Variants in SPATS2L observed in about 807,000 individuals in gnomAD.
SPATS2L encodes spermatogenesis associated serine rich 2 like, also known as SPATS2-like protein.
In SPATS2L, 30 loss-of-function variants were observed where a neutral mutation model predicts 59.6. The observed-to-expected ratio is 0.50, with a 90% CI of 0.38 to 0.68. The LOEUF is 0.68. Ranked by LOEUF, SPATS2L falls within the 30% of genes least tolerant of loss-of-function variation. The probability of loss-of-function intolerance (pLI) is 0.00; values close to 1 mark genes in which losing one functional copy is unlikely to be tolerated. For synonymous variants in SPATS2L, 252 were observed against 263.5 expected (o/e 0.96, Z 0.42); for missense variants, 615 against 700.0 (o/e 0.88, Z 1.37).
upstream of SPATS2L, chr2:200,306,354 G>GGGAGTTTCGGTGAAGT: frequency 3.0e-6 from 3 of 1,002,388 alleles, no homozygotes; most frequent in Non-Finnish European, 3.6e-6. Context: ...CATTAACAAG[G>GGGAGTTTCGGTGAAGT]GGAGTTTCGG....
intron 12 of SPATS2L, among the ~76,000 whole-genome samples, chr2:200,474,928 C>G (rs1239412743): frequency 6.6e-6 from 1 of 152,110 alleles, no homozygotes; most frequent in African/African-American, 2.4e-5. Flanking sequence ...GACAGGGCCA[C>G]TGGAATCTAC....
At chr2:200,384,129 A>T (rs1452702024) in intron 2 of SPATS2L, 1 of 388,778 alleles carries the variant, frequency 2.6e-6, no homozygotes, top group Non-Finnish European at 3.7e-6. Context: ...GTTGAATTAT[A>T]TCAATTGGAA....
intron 12 of SPATS2L, among the ~76,000 whole-genome samples, chr2:200,474,311 C>T (rs2087324923): frequency 6.6e-6 from 1 of 151,868 alleles, no homozygotes; most frequent in Non-Finnish European, 1.5e-5. Context: ...TCTGTTTTTA[C>T]TTGTAGTCTA....
intron 2 of SPATS2L, among the ~76,000 whole-genome samples, chr2:200,371,071 G>A (rs762963385): frequency 1.5e-4 from 23 of 152,002 alleles, no homozygotes; most frequent in Non-Finnish European, 2.1e-4. Flanking sequence ...ATTGATTGTC[G>A]GCTCATTATG....
intron 8 of SPATS2L, among the ~76,000 whole-genome samples, chr2:200,451,033 A>G (rs150296525): frequency 9.2e-5 from 14 of 152,348 alleles, no homozygotes; most frequent in African/African-American, 3.4e-4. Context: ...TCTTCCATCA[A>G]TAATGATGGG....
At chr2:200,416,686 T>C (rs1295729529) in intron 5 of SPATS2L, among the ~76,000 whole-genome samples, 1 of 152,138 alleles carries the variant, frequency 6.6e-6, no homozygotes, top group Non-Finnish European at 1.5e-5. Context: ...CTTTTTTAAG[T>C]ATAAAGGGGA....
chr2:200,430,092 T>A (rs1005130831), intron 6 of SPATS2L, among the ~76,000 whole-genome samples: 8 of 152,182 alleles, frequency 5.3e-5, no homozygotes, highest in Non-Finnish European at 1.0e-4. Flanking sequence ...ATCTTTCATT[T>A]GTTTGTATGG....
chr2:200,447,157 A>G (rs1384473598), intron 8 of SPATS2L, among the ~76,000 whole-genome samples: 1 of 152,202 alleles, frequency 6.6e-6, no homozygotes, highest in Non-Finnish European at 1.5e-5. Flanking sequence ...CAGGATTAGG[A>G]TGAAGATCTG....
intron 10 of SPATS2L, among the ~76,000 whole-genome samples, chr2:200,468,430 C>T (rs1165099579): frequency 1.3e-5 from 2 of 148,814 alleles, no homozygotes; most frequent in Admixed American, 6.8e-5. Context: ...TTGCAAGACA[C>T]AGCTGCTGCT....
chr2:200,388,468 A>G (rs886602840), intron 2 of SPATS2L, among the ~76,000 whole-genome samples: 1 of 152,068 alleles, frequency 6.6e-6, no homozygotes, highest in African/African-American at 2.4e-5. Context: ...CCTACTTGGG[A>G]GGCTGAGGTG....
intron 3 of SPATS2L, among the ~76,000 whole-genome samples, chr2:200,391,421 T>A (rs879640396): frequency 1.3e-5 from 2 of 152,248 alleles, no homozygotes; most frequent in Non-Finnish European, 2.9e-5. Flanking sequence ...ATAAGTAGTT[T>A]CCTTTGTAAT....
chr2:200,315,545 A>G (rs886317823), intron 1 of SPATS2L, among the ~76,000 whole-genome samples: 1 of 152,154 alleles, frequency 6.6e-6, no homozygotes, highest in Admixed American at 6.5e-5. Context: ...GCTAAGTCCC[A>G]ACTCCCCTAC....
At chr2:200,378,281 G>A (rs2081669134) in intron 2 of SPATS2L, 4 of 1,002,426 alleles carry the variant, frequency 4.0e-6, no homozygotes, top group South Asian at 9.4e-5. Flanking sequence ...GGTGGCCAGT[G>A]GGGGAACAGA....
chr2:200,471,382 C>T (rs185344816), intron 11 of SPATS2L, among the ~76,000 whole-genome samples: 2 of 152,258 alleles, frequency 1.3e-5, no homozygotes, highest in African/African-American at 4.8e-5. Context: ...CTTCAGCCCT[C>T]AATGAGCAAG....
chr2:200,471,943 G>A (rs1310067094), intron 11 of SPATS2L, among the ~76,000 whole-genome samples: 2 of 152,252 alleles, frequency 1.3e-5, no homozygotes, highest in African/African-American at 4.8e-5. Flanking sequence ...CTGGTGAACT[G>A]TGAGAGGGAA....
intron 2 of SPATS2L, among the ~76,000 whole-genome samples, chr2:200,341,815 G>A (rs188213993): frequency 0.031 from 4,618 of 151,228 alleles, 109 homozygotes; most frequent in Non-Finnish European, 0.045. Context: ...TCAGCCTCCC[G>A]AGTAGCTGGG....
intron 12 of SPATS2L, among the ~76,000 whole-genome samples, chr2:200,476,889 C>T (rs2087565267): frequency 6.6e-6 from 1 of 152,112 alleles, no homozygotes. Context: ...ATTTTATTGC[C>T]ATTGAAAGTG....
intron 2 of SPATS2L, among the ~76,000 whole-genome samples, chr2:200,353,435 C>A (rs150200228): frequency 6.6e-6 from 1 of 152,306 alleles, no homozygotes; most frequent in Non-Finnish European, 1.5e-5. Flanking sequence ...AACTATTCCT[C>A]ACTGCCTGTT....
At chr2:200,463,104 G>A (rs1254249771) in intron 9 of SPATS2L, 2 of 152,098 alleles carry the variant, frequency 1.3e-5, no homozygotes, top group Non-Finnish European at 1.5e-5. Flanking sequence ...GTCAAAAAAT[G>A]GAAGTCAGGG....
Sources: gnomAD v4.1 joint callset for allele counts (sites outside exome capture counted in the v4.1 genomes callset) on GRCh38, gnomAD v4.1.1 for gene constraint, MANE v1.5 for transcripts, NCBI Gene and HGNC (gene_info 2026-07-23, HGNC 2026-07-21) for gene names.